Variants in SMARCA5 observed in about 807,000 individuals in gnomAD.
SMARCA5 encodes the protein SNF2 related chromatin remodeling ATPase 5.
SMARCA5 carries 18 observed loss-of-function variants against 140.4 expected under a neutral mutation model. The ratio of observed to expected loss-of-function variants is 0.13; its 90% CI spans 0.09 to 0.19. The LOEUF (loss-of-function observed/expected upper bound fraction) is 0.19. Ranked by LOEUF, SMARCA5 falls within the 10% of genes least tolerant of loss-of-function variation. The pLI is 1.00. For missense variants in SMARCA5, 606 were observed against 1,276.8 expected (o/e 0.47, Z 8.01); for synonymous variants, 449 against 419.6 (o/e 1.07, Z -0.86).
intron 23 of SMARCA5, among the ~76,000 whole-genome samples, chr4:143,550,750 A>T (rs756583363): frequency 3.6e-4 from 54 of 152,018 alleles, no homozygotes; most frequent in Admixed American, 6.6e-4. Flanking sequence ...TGTTGCTGCA[A>T]ATTACAGGGT....
At chr4:143,542,442 G>A (rs1167075984) in intron 14 of SMARCA5, among the ~76,000 whole-genome samples, 1 of 152,160 alleles carries the variant, frequency 6.6e-6, no homozygotes, top group African/African-American at 2.4e-5. Context: ...GAAGTAGTTT[G>A]TATAAGCATA....
chr4:143,535,321 G>T (rs1353792849), intron 10 of SMARCA5, among the ~76,000 whole-genome samples: 2 of 152,130 alleles, frequency 1.3e-5, no homozygotes, highest in African/African-American at 4.8e-5. Flanking sequence ...CTGGGTCAGT[G>T]TAAAGTAGCT....
chr4:143,539,538 T>C (rs1737386230), intron 13 of SMARCA5, among the ~76,000 whole-genome samples: 1 of 34 alleles, frequency 0.029, no homozygotes, highest in Non-Finnish European at 0.12. Flanking sequence ...AGTCACTTTC[T>C]TTTTTTTTTT....
intron 9 of SMARCA5, 70 bp from the exon 10 acceptor site, chr4:143,534,785 A>G (rs1737270222): frequency 3.6e-6 from 4 of 1,125,396 alleles, no homozygotes; most frequent in Admixed American, 2.8e-5. Context: ...TTTATATACA[A>G]TTCTAAGATG....
chr4:143,539,274 C>A (rs879562780), intron 13 of SMARCA5, among the ~76,000 whole-genome samples: 17 of 152,118 alleles, frequency 1.1e-4, no homozygotes, highest in Non-Finnish European at 5.9e-5. Context: ...AAGAATTAGA[C>A]AGAACTCAAA....
At chr4:143,516,822 G>C (rs926003016) in intron 1 of SMARCA5, among the ~76,000 whole-genome samples, 1 of 152,078 alleles carries the variant, frequency 6.6e-6, no homozygotes, top group South Asian at 2.1e-4. Context: ...ATATTTGCAA[G>C]AATAACATTT....
chr4:143,549,561 A>G (rs1737601027), intron 22 of SMARCA5, among the ~76,000 whole-genome samples: 1 of 152,162 alleles, frequency 6.6e-6, no homozygotes, highest in Admixed American at 6.5e-5. Flanking sequence ...ATTGACTACC[A>G]TAATTCTAGT....
Position 143,528,687 on chromosome 4 carries a change from G to C in SMARCA5, c.1062G>C (p.Leu354=), listed in dbSNP as rs550682963. The C allele has an allele frequency of 2.5e-6, 4 of 1,613,064 alleles. No homozygotes were observed. Among genetic ancestry groups the C allele is most frequent in the Non-Finnish European group, 3.4e-6 (4 of 1,179,524 alleles). Residue 354 remains leucine (L), a synonymous_variant, in exon 8 of 24, where the codon CTG becomes CTC. Transcript: ENST00000283131. ...AGCTGTGGTCACTTCTTAACTTTCT[G>C]TTGCCAGATGTGTTTAATTCAGCAG... The part of the protein sequence containing the change: ...LHELWSLLNF[L]LPDVFNSADD...
intron 10 of SMARCA5, among the ~76,000 whole-genome samples, 181 bp from the exon 11 acceptor site, chr4:143,536,271 A>G (rs1407390146): frequency 6.6e-6 from 1 of 152,160 alleles, no homozygotes; most frequent in Admixed American, 6.5e-5. Flanking sequence ...TATGGACAGT[A>G]AAGAAAAATG....
At chr4:143,521,311 A>G (rs1578791683) in intron 2 of SMARCA5, 118 bp from the exon 3 acceptor site, 4 of 654,950 alleles carry the variant, frequency 6.1e-6, no homozygotes, top group Non-Finnish European at 2.6e-6. Flanking sequence ...TGTTGCATTT[A>G]TCTGTAGTTC....
chr4:143,550,460 CTTAG>C (rs1330292134), intron 23 of SMARCA5, among the ~76,000 whole-genome samples: 2 of 151,794 alleles, frequency 1.3e-5, no homozygotes, highest in African/African-American at 4.8e-5. Flanking sequence ...CAGTTTAACT[CTTAG>C]TTATTTTAAA....
Position 143,513,794 on chromosome 4 carries a change from A to T in SMARCA5, c.-131A>T. ...CAGGCCCGTCGCGGAGGCGCGGCGC[A>T]GGGGAGCGCTCGGGTGGGAGTCTCG... On this transcript the variant is annotated 5_prime_UTR_variant, in exon 1 of 24. Transcript: ENST00000283131. 1 of 1,072,930 alleles carries T rather than the reference A, an allele frequency of 9.3e-7. No individual in the cohort carries two copies. Among genetic ancestry groups the T allele is most frequent in the Non-Finnish European group, 1.3e-6 (1 of 759,056 alleles). The allele number at this position is 1,072,930 out of a possible 1,614,324, so 66.5% of individuals were successfully genotyped here.
At chr4:143,521,046 ATAATTT>A (rs1480406433) in intron 2 of SMARCA5, among the ~76,000 whole-genome samples, 2 of 152,348 alleles carry the variant, frequency 1.3e-5, no homozygotes, top group African/African-American at 4.8e-5. Flanking sequence ...TTGACATAAA[ATAATTT>A]TAAGTTTGTA....
rs28364753 is a variant in SMARCA5 at position 143,525,361 on chromosome 4, A to G, written c.521-90A>G. On this transcript the variant is annotated intron_variant, in intron 4 of 23. Transcript: ENST00000283131. ...TCAAGAATCCGTTAGTAATGAAAATAAAGTCAGTAGATATGTGTAGGCTTA... is the reference window on the plus strand; with the variant it reads ...TCAAGAATCCGTTAGTAATGAAAATGAAGTCAGTAGATATGTGTAGGCTTA... The G allele has an allele frequency of 4.5e-4, 363 of 800,260 alleles. 1 individual carries two copies. In the East Asian group the frequency reaches 8.5e-3, roughly 19 times the overall value. 49.6% of individuals were successfully genotyped at this position (800,260 alleles called of 1,614,324 possible). A position where few individuals can be genotyped will look rare whatever the true frequency, so the allele number is the denominator to read the frequency against.
chr4:143,518,214 G>A (rs1456360683), intron 2 of SMARCA5, among the ~76,000 whole-genome samples: 1 of 152,062 alleles, frequency 6.6e-6, no homozygotes, highest in Non-Finnish European at 1.5e-5. Flanking sequence ...TTCACGTTCC[G>A]TATCTTCTAA....
Position 143,530,447 on chromosome 4 carries a change from T to C in SMARCA5, c.1090-11T>C. Reference sequence around the variant, plus strand: ...CTCTGATCTGAGTATATTTTTTGTTTGTTTATCTAGGACTTTGATTCCTGG... The same window carrying C: ...CTCTGATCTGAGTATATTTTTTGTTCGTTTATCTAGGACTTTGATTCCTGG... On this transcript the variant is annotated splice_polypyrimidine_tract_variant and intron_variant, in intron 8 of 23. Transcript: ENST00000283131. 2 of 1,601,214 alleles carry C rather than the reference T, an allele frequency of 1.2e-6. No homozygotes were observed. The highest frequency in any genetic ancestry group is 1.7e-6 in the Non-Finnish European group (2 of 1,171,388).
Position 143,543,010 on chromosome 4 carries a change from A to C in SMARCA5, c.1904-499A>C, listed in dbSNP as rs960494507. On this transcript the variant is annotated intron_variant, in intron 14 of 23. Coordinates refer to ENST00000283131, the MANE Select transcript of SMARCA5 (RefSeq NM_003601.4). ...TAAACGAATAAAATAAGTTTTTAGG[A>C]GTTTCAGTTCTTCTGGAAGTTTTCT... Among the ~76,000 whole-genome samples, 7 of 152,290 alleles carry C rather than the reference A, an allele frequency of 4.6e-5. No individual in the cohort carries two copies. In the East Asian group the frequency reaches 1.2e-3, roughly 25 times the overall value.
rs1417725633 is a variant in SMARCA5, at chr4:143,517,379, G to C, written c.202G>C (p.Gly68Arg). The change falls in exon 2 of 24, where the codon GGA (glycine) becomes CGA (arginine). Residue 68 changes from glycine (G) to arginine (R), a missense_variant. Around this residue, in one of 10 missense-constraint regions of SMARCA5, gnomAD observed 164 missense variants for 128.4 expected, o/e 1.28. Coordinates refer to ENST00000283131, the MANE Select transcript of SMARCA5 (RefSeq NM_003601.4). ...MEEIFDDASP[G>R]KQKEIQEPDP... ...GGAAATATTTGATGATGCGTCACCT[G>C]GAAAGCAAAAGGAAATCCAAGAACC... 1 of 1,609,464 alleles carries C rather than the reference G, an allele frequency of 6.2e-7. No homozygotes were observed.
chr4:143,545,677 G>A, intron 18 of SMARCA5, 94 bp downstream of exon 18: 3 of 846,586 alleles, frequency 3.5e-6, no homozygotes, highest in East Asian at 5.1e-5. Flanking sequence ...TTTGGACCTA[G>A]TGTGAAACAA....
Sources: allele counts gnomAD v4.1 joint callset (sites outside exome capture counted in the v4.1 genomes callset), GRCh38; gene constraint gnomAD v4.1.1; regional missense constraint gnomAD v4.1.1; transcripts MANE v1.5; gene names NCBI Gene and HGNC (gene_info 2026-07-23, HGNC 2026-07-21).